Variants in TTC12 observed in about 807,000 individuals in gnomAD.
TTC12 encodes the protein tetratricopeptide repeat protein 12.
In TTC12, 70 loss-of-function variants were observed where a neutral mutation model predicts 90.1. The observed-to-expected ratio is 0.78, with a 90% CI of 0.64 to 0.95. The LOEUF (loss-of-function observed/expected upper bound fraction) is 0.95, where lower values mean the gene tolerates loss of function less well. Ranked by LOEUF, TTC12 falls within the 40% of genes least tolerant of loss-of-function variation. The pLI, the probability that TTC12 is intolerant of heterozygous loss-of-function variation, is 0.00. For synonymous variants in TTC12, 296 were observed against 311.5 expected (o/e 0.95, Z 0.53); for missense variants, 819 against 846.1 (o/e 0.97, Z 0.40).
intron 13 of TTC12, among the ~76,000 whole-genome samples, chr11:113,347,236 A>G (rs1949019764): frequency 1.3e-5 from 2 of 152,214 alleles, no homozygotes; most frequent in African/African-American, 4.8e-5. Context: ...TGACAGCAGG[A>G]GCACTGGAAT....
chr11:113,368,122 T>C (rs1428584123), downstream of TTC12: 3 of 1,253,922 alleles, frequency 2.4e-6, no homozygotes, highest in Non-Finnish European at 3.1e-6. Context: ...ATGGCTATGA[T>C]AGGTGTATTC....
chr11:113,338,970 CTG>C, intron 9 of TTC12, 136 bp downstream of exon 9: 1 of 749,788 alleles, frequency 1.3e-6, no homozygotes, highest in Non-Finnish European at 2.3e-6. Flanking sequence ...GTTGGGTCCT[CTG>C]TGTTAACCAG....
chr11:113,359,295 A>C, intron 16 of TTC12, 68 bp from the exon 17 acceptor site: 1 of 1,051,262 alleles, frequency 9.5e-7, no homozygotes, highest in Non-Finnish European at 1.5e-6. Flanking sequence ...CCCTTGTCCA[A>C]GGGAAAAGAT....
downstream of TTC12, among the ~76,000 whole-genome samples, chr11:113,370,550 A>C (rs1950354506): frequency 6.6e-6 from 1 of 152,238 alleles, no homozygotes; most frequent in African/African-American, 2.4e-5. Flanking sequence ...TCTCAATTTC[A>C]AAAAGGCAAA....
intron 16 of TTC12, among the ~76,000 whole-genome samples, chr11:113,353,290 C>T (rs1949417072): frequency 6.6e-6 from 1 of 152,070 alleles, no homozygotes; most frequent in Non-Finnish European, 1.5e-5. Flanking sequence ...TCTTCATGTC[C>T]TTTGCCCACT....
At chr11:113,322,887 C>T (rs1385940355) in intron 2 of TTC12, among the ~76,000 whole-genome samples, 9 of 152,016 alleles carry the variant, frequency 5.9e-5, no homozygotes, top group African/African-American at 1.7e-4. Context: ...TGCTGTTTTG[C>T]GATTTTGAGC....
intron 11 of TTC12, 54 bp downstream of exon 11, chr11:113,340,787 G>T (rs1948638038): frequency 6.9e-7 from 1 of 1,447,648 alleles, no homozygotes; most frequent in Admixed American, 1.7e-5. Context: ...GATAACCACT[G>T]CTTATGAAAT....
At chr11:113,351,992 G>A in intron 15 of TTC12, 78 bp from the exon 16 acceptor site, 1 of 1,522,458 alleles carries the variant, frequency 6.6e-7, no homozygotes, top group East Asian at 2.3e-5. Context: ...CTTTTGGTGA[G>A]TGAGGGATGC....
intron 2 of TTC12, among the ~76,000 whole-genome samples, chr11:113,318,808 A>C (rs1947114392): frequency 6.6e-6 from 1 of 152,018 alleles, no homozygotes; most frequent in Non-Finnish European, 1.5e-5. Flanking sequence ...AAAGAATAAA[A>C]AGCCCCAAAT....
rs10891537 is a variant in TTC12 at position 113,340,648 on chromosome 11, T to A, written c.827-16T>A. ...AGTTTGGGAGTCTGAAGTGGTTTTC[T>A]TTGTATCTGTTTCAGGCACAGAACA... On this transcript the variant is annotated splice_polypyrimidine_tract_variant and intron_variant, in intron 10 of 21. Transcript: ENST00000529221. 8 of 1,611,748 alleles carry A rather than the reference T, an allele frequency of 5.0e-6. No individual in the cohort carries two copies. The highest frequency in any genetic ancestry group is 3.4e-6 in the Non-Finnish European group (4 of 1,177,954).
intron 18 of TTC12, among the ~76,000 whole-genome samples, chr11:113,361,801 A>G (rs982073881): frequency 6.6e-6 from 1 of 152,202 alleles, no homozygotes; most frequent in African/African-American, 2.4e-5. Context: ...AGCTACACAC[A>G]TAAATAGGAA....
chr11:113,328,344 T>C (rs1228182631), intron 6 of TTC12, among the ~76,000 whole-genome samples: 1 of 152,228 alleles, frequency 6.6e-6, no homozygotes, highest in Non-Finnish European at 1.5e-5. Flanking sequence ...TGCTTGTTTA[T>C]AGTCTTTCAT....
chr11:113,369,270 A>G (rs932163573), downstream of TTC12, among the ~76,000 whole-genome samples: 3 of 152,124 alleles, frequency 2.0e-5, no homozygotes, highest in East Asian at 3.9e-4. Flanking sequence ...GATTACAGGC[A>G]TGCGTCCGTA....
chr11:113,368,256 C>A (rs1164751103), downstream of TTC12: 31 of 1,524,128 alleles, frequency 2.0e-5, no homozygotes, highest in Middle Eastern at 6.8e-4. Flanking sequence ...TGTCTCCTCG[C>A]AGGTGGGAAG....
intron 2 of TTC12, among the ~76,000 whole-genome samples, chr11:113,321,770 A>G (rs1394720615): frequency 6.6e-6 from 1 of 152,178 alleles, no homozygotes; most frequent in Non-Finnish European, 1.5e-5. Flanking sequence ...TTGCACTCAT[A>G]CCACTCATGA....
At chr11:113,360,446 A>G (rs1252743931) in intron 18 of TTC12, among the ~76,000 whole-genome samples, 1 of 151,924 alleles carries the variant, frequency 6.6e-6, no homozygotes, top group Admixed American at 6.6e-5. Context: ...TAAGCCAGTG[A>G]TCCTAGAGGT....
intron 13 of TTC12, among the ~76,000 whole-genome samples, chr11:113,348,966 C>T (rs1171206950): frequency 6.6e-6 from 1 of 152,252 alleles, no homozygotes; most frequent in African/African-American, 2.4e-5. Context: ...TCTGTGACTA[C>T]AGGCTGCTTT....
chr11:113,326,402 A>G (rs1337234718), intron 6 of TTC12, among the ~76,000 whole-genome samples: 1 of 152,122 alleles, frequency 6.6e-6, no homozygotes, highest in African/African-American at 2.4e-5. Flanking sequence ...CATGGACATG[A>G]TTACCCCATG....
At chr11:113,328,617 G>A (rs896445307) in intron 6 of TTC12, among the ~76,000 whole-genome samples, 2 of 151,992 alleles carry the variant, frequency 1.3e-5, no homozygotes, top group Admixed American at 1.3e-4. Context: ...TTTGATAACA[G>A]CGTTATTGAG....
Sources: allele counts gnomAD v4.1 joint callset (sites outside exome capture counted in the v4.1 genomes callset), GRCh38; gene constraint gnomAD v4.1.1; transcripts MANE v1.5; gene names NCBI Gene and HGNC (gene_info 2026-07-23, HGNC 2026-07-21).